The following KIAA1217 variants were observed in gnomAD, a reference collection of about 807,000 sequenced individuals.
KIAA1217 encodes sickle tail protein homolog.
KIAA1217 carries 88 observed loss-of-function variants against 163.9 expected under a neutral mutation model. The ratio of observed to expected loss-of-function variants is 0.54; its 90% CI spans 0.45 to 0.64. KIAA1217 has a LOEUF of 0.64. Among genes scored for constraint, KIAA1217 ranks in the 30% least tolerant of loss-of-function variants. The pLI is 0.00. For synonymous variants in KIAA1217, 903 were observed against 923.1 expected (o/e 0.98, Z 0.39); for missense variants, 2,372 against 2,475.0 (o/e 0.96, Z 0.88).
Position 24,547,022 on chromosome 10 carries a change from TCTTTG to T in KIAA1217, c.*702_*706del, listed in dbSNP as rs1332287286. 1 of 152,200 alleles carries T rather than the reference TCTTTG, an allele frequency of 6.6e-6. No individual in the cohort carries two copies. The highest frequency in any genetic ancestry group is 1.5e-5 in the Non-Finnish European group (1 of 67,964). The allele number at this position is 152,200 out of a possible 1,614,324, so 9.4% of individuals were successfully genotyped here. A position where few individuals can be genotyped will look rare whatever the true frequency, so the allele number is the denominator to read the frequency against. Reference sequence around the variant, plus strand: ...TTTGCTAGCCCAAGCAAGCTAGTTTTCTTTGCTTGCTTCTTTTCTTTCTTTTTTCC... The same window carrying T: ...TTTGCTAGCCCAAGCAAGCTAGTTTTCTTGCTTCTTTTCTTTCTTTTTTCC... On this transcript the variant is annotated 3_prime_UTR_variant, in exon 21 of 21. Transcript: ENST00000376454.
At chr10:24,501,640 A>G (rs566551761) in intron 9 of KIAA1217, 95 bp downstream of exon 9, 2 of 1,119,434 alleles carry the variant, frequency 1.8e-6, no homozygotes, top group Admixed American at 4.3e-5. Flanking sequence ...GAGAATGTAG[A>G]ACCATAGAAA....
At chr10:24,371,916 T>G (rs1487307177) in intron 2 of KIAA1217, among the ~76,000 whole-genome samples, 1 of 152,186 alleles carries the variant, frequency 6.6e-6, no homozygotes, top group Non-Finnish European at 1.5e-5. Context: ...ATAAAGAAAG[T>G]GTGTCACTCT....
intron 1 of KIAA1217, among the ~76,000 whole-genome samples, chr10:23,933,835 G>GC (rs1294099520): frequency 1.3e-5 from 2 of 152,110 alleles, no homozygotes; most frequent in Non-Finnish European, 1.5e-5. Flanking sequence ...AAACCACAGT[G>GC]AGATACCATC....
At chr10:23,718,053 C>T (rs570390570) in intron 1 of KIAA1217, among the ~76,000 whole-genome samples, 1 of 152,298 alleles carries the variant, frequency 6.6e-6, no homozygotes, top group East Asian at 1.9e-4. Context: ...CTCCTTGCTT[C>T]CATTTTAGCT....
intron 2 of KIAA1217, among the ~76,000 whole-genome samples, chr10:24,019,693 T>A (rs1439470387): frequency 6.6e-6 from 1 of 152,006 alleles, no homozygotes; most frequent in African/African-American, 2.4e-5. Context: ...CTAAGAAGAT[T>A]TTATTTCTAC....
chr10:23,826,211 T>C (rs1402157047), intron 1 of KIAA1217, among the ~76,000 whole-genome samples: 1 of 152,190 alleles, frequency 6.6e-6, no homozygotes, highest in African/African-American at 2.4e-5. Context: ...TGTAAGTAGT[T>C]AATATGATTA....
intron 8 of KIAA1217, among the ~76,000 whole-genome samples, chr10:24,499,334 T>G (rs1373354029): frequency 6.6e-6 from 1 of 152,218 alleles, no homozygotes; most frequent in African/African-American, 2.4e-5. Flanking sequence ...ACAGCAGAGA[T>G]GACAAATCTT....
Position 24,545,123 on chromosome 10 carries a change from A to C in KIAA1217, c.5334+20A>C. The C allele has an allele frequency of 6.2e-7, 1 of 1,613,832 alleles. No homozygotes were observed. Among genetic ancestry groups the C allele is most frequent in the Non-Finnish European group, 8.5e-7 (1 of 1,179,840 alleles). On this transcript the variant is annotated intron_variant, in intron 20 of 20. Transcript: ENST00000376454. ...CGTCAGGTAGTTTTACCTTAAACCCACTTTTGGATGGACGCTATTTCAGTT... is the reference window on the plus strand; with the variant it reads ...CGTCAGGTAGTTTTACCTTAAACCCCCTTTTGGATGGACGCTATTTCAGTT...
intron 2 of KIAA1217, among the ~76,000 whole-genome samples, chr10:24,343,971 T>A (rs2133881130): frequency 6.6e-6 from 1 of 152,320 alleles, no homozygotes; most frequent in Admixed American, 6.5e-5. Context: ...TTCTACGATG[T>A]TTGAGTGACT....
At chr10:23,723,240 C>T (rs1004423430) in intron 1 of KIAA1217, among the ~76,000 whole-genome samples, 1 of 152,116 alleles carries the variant, frequency 6.6e-6, no homozygotes, top group African/African-American at 2.4e-5. Context: ...CACTGACTGG[C>T]CCCACACTCC....
rs148526710 is a variant in KIAA1217 at position 23,828,248 on chromosome 10, G to A, written c.-321+133014G>A. ...TGGTGTTATAAAACCATACCTAATT[G>A]TGCCAGTGTCCCTGGGAGATAGGCA... On this transcript the variant is annotated intron_variant, in intron 1 of 18. Transcript: ENST00000376462. Among the ~76,000 whole-genome samples, 4 of 152,186 alleles carry A rather than the reference G, an allele frequency of 2.6e-5. No homozygotes were observed. The East Asian group carries it at 7.7e-4, about 29-fold the overall frequency.
chr10:24,470,260 G>A (rs1208412973), intron 5 of KIAA1217, among the ~76,000 whole-genome samples: 1 of 152,160 alleles, frequency 6.6e-6, no homozygotes, highest in Non-Finnish European at 1.5e-5. Flanking sequence ...GAGGATCCGT[G>A]TCGCTCTCCT....
intron 2 of KIAA1217, among the ~76,000 whole-genome samples, chr10:24,133,536 C>T (rs2063730732): frequency 6.6e-6 from 1 of 150,976 alleles, no homozygotes; most frequent in Non-Finnish European, 1.5e-5. Flanking sequence ...TGCACTATTA[C>T]ACTCCAGCCT....
At chr10:24,461,877 A>G (rs1383604260) in intron 5 of KIAA1217, among the ~76,000 whole-genome samples, 1 of 152,032 alleles carries the variant, frequency 6.6e-6, no homozygotes, top group Non-Finnish European at 1.5e-5. Context: ...AGCGATGGAG[A>G]CCCTGTGCCT....
At chr10:24,232,459 C>T (rs2071546310) in intron 2 of KIAA1217, among the ~76,000 whole-genome samples, 1 of 152,078 alleles carries the variant, frequency 6.6e-6, no homozygotes, top group African/African-American at 2.4e-5. Flanking sequence ...AAATAAGATT[C>T]TACTAGAAAA....
At chr10:24,114,828 A>T (rs575140599) in intron 2 of KIAA1217, among the ~76,000 whole-genome samples, 1 of 152,294 alleles carries the variant, frequency 6.6e-6, no homozygotes, top group South Asian at 2.1e-4. Context: ...GCCTCGCACC[A>T]TCTGGTGTCT....
intron 1 of KIAA1217, among the ~76,000 whole-genome samples, chr10:23,810,964 G>C (rs555801433): frequency 9.3e-6 from 1 of 108,078 alleles, no homozygotes; most frequent in Non-Finnish European, 1.7e-5. Context: ...AATATATATA[G>C]TATATATTAT....
intron 6 of KIAA1217, among the ~76,000 whole-genome samples, chr10:24,476,689 C>T (rs55854940): frequency 0.025 from 3,880 of 152,226 alleles, 63 homozygotes; most frequent in South Asian, 0.059. Flanking sequence ...AAAATTTTAT[C>T]TCATACATCT....
chr10:23,911,470 T>C (rs1056526889), intron 1 of KIAA1217, among the ~76,000 whole-genome samples: 4 of 152,336 alleles, frequency 2.6e-5, no homozygotes, highest in East Asian at 3.9e-4. Context: ...CATATGAGAA[T>C]AGATGCTATA....
Sources: allele counts gnomAD v4.1 joint callset (sites outside exome capture counted in the v4.1 genomes callset), GRCh38; gene constraint gnomAD v4.1.1; transcripts MANE v1.5; gene names NCBI Gene and HGNC (gene_info 2026-07-23, HGNC 2026-07-21).